The following RP1 variants were observed in gnomAD, a reference collection of about 807,000 sequenced individuals.
The protein encoded by RP1 is oxygen-regulated protein 1.
RP1 carries 16 observed loss-of-function variants against 14.8 expected under a neutral mutation model. The observed-to-expected ratio is 1.08, with a 90% CI of 0.73 to 1.65. The LOEUF is 1.65. RP1 is among the 40% of genes most tolerant of loss of function. The pLI is 0.00. For missense variants in RP1, 2,631 were observed against 2,535.0 expected, an observed-to-expected ratio of 1.04 and a Z score of -0.81; for synonymous variants, 876 against 883.6, an observed-to-expected ratio of 0.99 and a Z score of 0.15.
chr8:54,779,239 G>C (rs1292264165), intron 23 of RP1, among the ~76,000 whole-genome samples: 1 of 152,168 alleles, frequency 6.6e-6, no homozygotes, highest in African/African-American at 2.4e-5. Context: ...CGCTTTCACT[G>C]AATCTTCCTG....
At chr8:54,757,754 G>A (rs143187426) in intron 21 of RP1, among the ~76,000 whole-genome samples, 13 of 152,302 alleles carry the variant, frequency 8.5e-5, no homozygotes, top group African/African-American at 2.9e-4. Context: ...AGAGGTCATG[G>A]GATGGGGCAT....
At chr8:54,672,420 T>C (rs1807199631) in intron 7 of RP1, among the ~76,000 whole-genome samples, 1 of 152,196 alleles carries the variant, frequency 6.6e-6, no homozygotes, top group Non-Finnish European at 1.5e-5. Flanking sequence ...GGCTTGAACT[T>C]TTCTGCCCTT....
At chr8:54,645,890 G>T (rs557645641) in intron 3 of RP1, among the ~76,000 whole-genome samples, 211 of 151,998 alleles carry the variant, frequency 1.4e-3, no homozygotes, top group Admixed American at 2.9e-3. Context: ...TTTGTTTTGT[G>T]TCTGCTCTGG....
intron 24 of RP1, among the ~76,000 whole-genome samples, chr8:54,801,006 C>T (rs1368412597): frequency 6.6e-6 from 1 of 152,180 alleles, no homozygotes; most frequent in Non-Finnish European, 1.5e-5. Context: ...GCACACTTTC[C>T]TTCTGCTCTG....
rs149803764 is a variant in RP1, at chr8:54,703,836, G to A, written c.1998+2174G>A. 2.5e-3 allele frequency among the ~76,000 whole-genome samples: 378 copies of A among 152,270 alleles called. 2 individuals carry two copies. The highest frequency in any genetic ancestry group is 8.4e-3 in the African/African-American group (349 of 41,566). On this transcript the variant is annotated intron_variant, in intron 14 of 22. Coordinates refer to the RP1 transcript ENST00000636932. Reference sequence around the variant, plus strand: ...TTGCTGCTTTACCTTGCACTGTTATGTTACGAAGATGGCTTCTTTCCTTAA... The same window carrying A: ...TTGCTGCTTTACCTTGCACTGTTATATTACGAAGATGGCTTCTTTCCTTAA...
intron 15 of RP1, among the ~76,000 whole-genome samples, chr8:54,711,571 G>T (rs867041863): frequency 6.6e-6 from 1 of 152,144 alleles, no homozygotes; most frequent in African/African-American, 2.4e-5. Context: ...AAGGCTGAGC[G>T]AGCGCTCTTA....
intron 7 of RP1, among the ~76,000 whole-genome samples, chr8:54,667,067 A>G (rs1807034742): frequency 6.6e-6 from 1 of 152,010 alleles, no homozygotes; most frequent in South Asian, 2.1e-4. Flanking sequence ...GGAGTCAGGA[A>G]CGGGAACTCC....
chr8:54,759,051 T>G (rs1339026419), exon 22 of RP1: 1 of 1,535,160 alleles, frequency 6.5e-7, no homozygotes, highest in Admixed American at 2.0e-5. Context: ...CGGCACCACA[T>G]CCGAGTCCAT....
chr8:54,866,274 A>G (rs1373800927), intron 28 of RP1, among the ~76,000 whole-genome samples: 1 of 152,188 alleles, frequency 6.6e-6, no homozygotes, highest in African/African-American at 2.4e-5. Flanking sequence ...ATGTCCTCAT[A>G]TGGAAGATGG....
chr8:54,739,335 C>T (rs1436975715), intron 19 of RP1, among the ~76,000 whole-genome samples: 1 of 152,068 alleles, frequency 6.6e-6, no homozygotes, highest in Non-Finnish European at 1.5e-5. Flanking sequence ...ATACAGAGCT[C>T]TCTGACTTAT....
chr8:54,595,134 T>A (rs2129302325), intron 1 of RP1, among the ~76,000 whole-genome samples: 1 of 147,240 alleles, frequency 6.8e-6, no homozygotes, highest in Non-Finnish European at 1.5e-5. Context: ...CTCCAAACAT[T>A]TTTTTTTTTT....
At chr8:54,660,695 ATTG>A (rs1806867401) in intron 6 of RP1, among the ~76,000 whole-genome samples, 1 of 151,672 alleles carries the variant, frequency 6.6e-6, no homozygotes, top group South Asian at 2.1e-4. Flanking sequence ...TGTTCCAAGC[ATTG>A]TTGTTATGAT....
chr8:54,822,901 G>C (rs529852859), intron 24 of RP1, among the ~76,000 whole-genome samples: 1 of 152,170 alleles, frequency 6.6e-6, no homozygotes, highest in African/African-American at 2.4e-5. Flanking sequence ...TAACAAAATG[G>C]TAATAAGTAA....
At chr8:54,580,714 G>C (rs1322683905) in intron 1 of RP1, among the ~76,000 whole-genome samples, 2 of 151,048 alleles carry the variant, frequency 1.3e-5, no homozygotes, top group Non-Finnish European at 2.9e-5. Flanking sequence ...TGCCTCCTGG[G>C]TTCAAGTGAT....
chr8:54,622,149 TG>T lies in RP1; in HGVS notation c.650del (p.Gly217GlufsTer47), dbSNP rs527236105. The T allele has an allele frequency of 6.2e-7, 1 of 1,614,216 alleles. No homozygotes were observed. The highest frequency in any genetic ancestry group is 2.2e-5 in the East Asian group (1 of 44,874). On this transcript the variant is annotated frameshift_variant, in exon 3 of 4. Coordinates refer to ENST00000220676, the MANE Select transcript of RP1 (RefSeq NM_006269.2). LOFTEE classifies it high-confidence loss of function. ...PSLQAVILSSGAVVAAGREPF... is the reference protein window; with the variant it reads ...PSLQAVILSSXAVVAAGREPF... The stretch of plus-strand genomic sequence containing the variant: ...GCCTCCAGGCAGTGATCCTGAGCTC[TG>T]GAGCTGTGGTGGCGGCAGGAAGGGA...
intron 1 of RP1, among the ~76,000 whole-genome samples, chr8:54,580,407 A>C (rs1281558964): frequency 6.7e-6 from 1 of 148,154 alleles, no homozygotes; most frequent in Non-Finnish European, 1.5e-5. Context: ...CCTGGGTTCA[A>C]GTGATTCTCC....
chr8:54,865,853 G>A, exon 28 of RP1: 1 of 1,226,276 alleles, frequency 8.2e-7, no homozygotes, highest in Non-Finnish European at 1.0e-6. Context: ...TGGTTTCTTG[G>A]GAGTATTGTT....
chr8:54,725,511 A>G (rs144038575), intron 16 of RP1, among the ~76,000 whole-genome samples: 47 of 152,318 alleles, frequency 3.1e-4, no homozygotes, highest in African/African-American at 1.1e-3. Context: ...ACTCTGTGTG[A>G]TAAGTGTCGC....
At chr8:54,725,676 A>G (rs898009501) in intron 16 of RP1, among the ~76,000 whole-genome samples, 3 of 152,192 alleles carry the variant, frequency 2.0e-5, no homozygotes, top group African/African-American at 7.2e-5. Flanking sequence ...TGCTGATGAG[A>G]ACTCTAAAGC....
Sources: gnomAD v4.1 joint callset for allele counts (sites outside exome capture counted in the v4.1 genomes callset) on GRCh38, gnomAD v4.1.1 for gene constraint, MANE v1.5 for transcripts, NCBI Gene and HGNC (gene_info 2026-07-23, HGNC 2026-07-21) for gene names.